The following GPATCH2 variants were observed in gnomAD, a reference collection of about 807,000 sequenced individuals.
GPATCH2 encodes the protein G patch domain-containing protein 2.
Under a neutral mutation model 58.0 loss-of-function variants are expected in GPATCH2, and 51 were observed. The observed-to-expected ratio is 0.88, with a 90% CI of 0.70 to 1.11. The LOEUF (loss-of-function observed/expected upper bound fraction) is 1.11, where lower values mean the gene tolerates loss of function less well. Ranked by LOEUF, GPATCH2 falls within the 50% of genes most tolerant of loss-of-function variation. The pLI is 0.00. For missense variants in GPATCH2, 625 were observed against 652.2 expected (o/e 0.96, Z 0.45); for synonymous variants, 222 against 218.5 (o/e 1.02, Z -0.14).
At chr1:217,487,129 G>A (rs184510078) in intron 8 of GPATCH2, among the ~76,000 whole-genome samples, 1 of 152,056 alleles carries the variant, frequency 6.6e-6, no homozygotes, top group Admixed American at 6.6e-5. Context: ...CCTGTCTCAA[G>A]TCAAAGCCAC....
chr1:217,464,756 G>T (rs1660364122), intron 8 of GPATCH2, among the ~76,000 whole-genome samples: 1 of 152,148 alleles, frequency 6.6e-6, no homozygotes, highest in Non-Finnish European at 1.5e-5. Context: ...GAAAACAACA[G>T]AAGAGAGAGG....
intron 5 of GPATCH2, among the ~76,000 whole-genome samples, chr1:217,516,240 A>C (rs934522674): frequency 2.0e-5 from 3 of 149,406 alleles, no homozygotes; most frequent in Non-Finnish European, 3.0e-5. Flanking sequence ...TTAAAAAAAA[A>C]CCCTCTGTAA....
intron 5 of GPATCH2, among the ~76,000 whole-genome samples, chr1:217,542,139 C>A (rs528067996): frequency 2.0e-5 from 3 of 152,298 alleles, no homozygotes; most frequent in South Asian, 4.1e-4. Flanking sequence ...CTTGAGGAAT[C>A]CTGCTGGGTT....
chr1:217,440,817 T>C (rs947508597), intron 9 of GPATCH2, among the ~76,000 whole-genome samples: 6 of 152,166 alleles, frequency 3.9e-5, no homozygotes, highest in Non-Finnish European at 8.8e-5. Context: ...GAAGGACCTC[T>C]TCAAGGAGAA....
chr1:217,498,174 T>C (rs1292955436), intron 7 of GPATCH2, 182 bp downstream of exon 7: 5 of 705,274 alleles, frequency 7.1e-6, no homozygotes, highest in Non-Finnish European at 2.6e-6. Flanking sequence ...AAAACTCTCA[T>C]GCTGATTAAG....
intron 7 of GPATCH2, among the ~76,000 whole-genome samples, chr1:217,493,703 TAAAGA>T (rs1301269473): frequency 6.6e-6 from 1 of 152,142 alleles, no homozygotes; most frequent in Non-Finnish European, 1.5e-5. Context: ...TTTCTGAAAA[TAAAGA>T]AAATTAATTA....
chr1:217,517,911 A>G (rs1322679724), intron 5 of GPATCH2, among the ~76,000 whole-genome samples: 1 of 152,170 alleles, frequency 6.6e-6, no homozygotes, highest in African/African-American at 2.4e-5. Flanking sequence ...CATGAGAAAC[A>G]GTATCTCCAC....
intron 8 of GPATCH2, among the ~76,000 whole-genome samples, chr1:217,455,645 T>G (rs1659907250): frequency 6.6e-6 from 1 of 152,100 alleles, no homozygotes. Context: ...ATGTGCCTAG[T>G]GTGAGTGAGC....
intron 8 of GPATCH2, among the ~76,000 whole-genome samples, chr1:217,460,827 T>C (rs1001577444): frequency 2.0e-5 from 3 of 152,218 alleles, no homozygotes; most frequent in Non-Finnish European, 4.4e-5. Context: ...ATTCTGGAAG[T>C]TGCTCTCAGG....
At chr1:217,509,863 T>G (rs1447379172) in intron 6 of GPATCH2, among the ~76,000 whole-genome samples, 1 of 152,246 alleles carries the variant, frequency 6.6e-6, no homozygotes, top group East Asian at 1.9e-4. Context: ...AATAATAATA[T>G]GATAAATACT....
chr1:217,468,243 A>C (rs1009048828), intron 8 of GPATCH2, among the ~76,000 whole-genome samples: 5 of 152,190 alleles, frequency 3.3e-5, no homozygotes, highest in African/African-American at 1.2e-4. Flanking sequence ...GGCAATAATC[A>C]TCATGGCAAA....
Position 217,428,015 on chromosome 1 carries a change from A to G in GPATCH2, c.*3130T>C, listed in dbSNP as rs1340249743. The G allele has an allele frequency of 6.6e-6, 1 of 152,192 alleles. No individual in the cohort carries two copies. Among genetic ancestry groups the G allele is most frequent in the Non-Finnish European group, 1.5e-5 (1 of 68,014 alleles). The allele number at this position is 152,192 out of a possible 1,614,324, so 9.4% of individuals were successfully genotyped here. ...ATTGGCAGATTTTAATTAGCAATGA[A>G]TGTTTATTTAAAAGGGTGCCATATA... On this transcript the variant is annotated 3_prime_UTR_variant, in exon 10 of 10. Transcript: ENST00000366935.
At chr1:217,471,896 G>A (rs974654294) in intron 8 of GPATCH2, among the ~76,000 whole-genome samples, 2 of 152,144 alleles carry the variant, frequency 1.3e-5, no homozygotes, top group African/African-American at 2.4e-5. Flanking sequence ...TAGCAACTAA[G>A]TGAAAGTAAA....
At chr1:217,532,633 A>C (rs1162481624) in intron 5 of GPATCH2, among the ~76,000 whole-genome samples, 1 of 152,180 alleles carries the variant, frequency 6.6e-6, no homozygotes, top group East Asian at 1.9e-4. Context: ...GTGGTAGGGA[A>C]GAGGAACCCC....
chr1:217,500,466 C>A (rs1357645916), intron 6 of GPATCH2, among the ~76,000 whole-genome samples: 6 of 152,050 alleles, frequency 3.9e-5, no homozygotes. Context: ...TTCATTTCCA[C>A]CTTTTGCTGA....
intron 5 of GPATCH2, among the ~76,000 whole-genome samples, chr1:217,568,389 T>C (rs1302055681): frequency 6.6e-6 from 1 of 151,904 alleles, no homozygotes; most frequent in African/African-American, 2.4e-5. Context: ...ATAAACAAAA[T>C]AGATAAGAAT....
At chr1:217,472,951 C>CT (rs1301591860) in intron 8 of GPATCH2, among the ~76,000 whole-genome samples, 1 of 152,102 alleles carries the variant, frequency 6.6e-6, no homozygotes, top group Non-Finnish European at 1.5e-5. Context: ...ACAGCAAGTT[C>CT]TTTCACCACT....
intron 5 of GPATCH2, among the ~76,000 whole-genome samples, chr1:217,523,806 AC>A (rs558452828): frequency 1.5e-5 from 2 of 131,676 alleles, no homozygotes; most frequent in Admixed American, 1.5e-4. Flanking sequence ...TGGGGGGCTG[AC>A]CCCCCCACCT....
chr1:217,507,949 G>A (rs1662643565), intron 6 of GPATCH2, among the ~76,000 whole-genome samples: 1 of 152,048 alleles, frequency 6.6e-6, no homozygotes, highest in African/African-American at 2.4e-5. Flanking sequence ...TGGTGCATAT[G>A]AAAATTATCT....
Sources: allele counts gnomAD v4.1 joint callset (sites outside exome capture counted in the v4.1 genomes callset), GRCh38; gene constraint gnomAD v4.1.1; transcripts MANE v1.5; gene names NCBI Gene and HGNC (gene_info 2026-07-23, HGNC 2026-07-21).